PCDHGB4: variants seen among roughly 807,000 people sequenced by gnomAD.
The protein encoded by PCDHGB4 is protocadherin gamma-B4.
Under a neutral mutation model 60.5 loss-of-function variants are expected in PCDHGB4, and 38 were observed. The observed-to-expected ratio is 0.63, with a 90% CI of 0.48 to 0.82. PCDHGB4 has a LOEUF of 0.82. PCDHGB4 is among the 40% of genes least tolerant of loss of function. PCDHGB4 has a pLI of 0.00. For synonymous variants in PCDHGB4, 456 were observed against 509.7 expected (o/e 0.89, Z 1.42); for missense variants, 1,109 against 1,209.6 (o/e 0.92, Z 1.23).
Position 141,485,337 on chromosome 5 carries a change from A to G in PCDHGB4, c.2398-9470A>G, listed in dbSNP as rs147409155. On this transcript the variant is annotated intron_variant, in intron 1 of 3. Transcript: ENST00000519479. The surrounding 1 kb of genome is among the most constrained non-coding windows in gnomAD (Gnocchi z 5.7). ...AATGTCGCTCAAGATTTCCTGCTGG[A>G]TACGGACAGTCTGTCAGCTCGCAGG... 4.3e-5 allele frequency: 70 copies of G among 1,614,012 alleles called. No individual in the cohort carries two copies. Among genetic ancestry groups the G allele is most frequent in the Non-Finnish European group, 5.7e-5 (67 of 1,180,016 alleles).
chr5:141,404,133 T>C, intron 1 of PCDHGB4: 1 of 1,613,108 alleles, frequency 6.2e-7, no homozygotes, highest in Non-Finnish European at 8.5e-7. Flanking sequence ...TCTTTTACAT[T>C]AGAAAATTCA....
At chr5:141,435,994 G>T (rs1007093302) in intron 1 of PCDHGB4, among the ~76,000 whole-genome samples, 18 of 152,046 alleles carry the variant, frequency 1.2e-4, no homozygotes, top group Admixed American at 1.2e-3. Context: ...GTGATTTTTT[G>T]AAAGAAAGTA....
chr5:141,395,055 G>T, intron 1 of PCDHGB4: 1 of 1,614,178 alleles, frequency 6.2e-7, no homozygotes, highest in African/African-American at 1.3e-5. Context: ...GGAGGTACAG[G>T]CTTTCCTGCA....
intron 1 of PCDHGB4, among the ~76,000 whole-genome samples, chr5:141,397,283 A>G: frequency 6.6e-6 from 1 of 152,232 alleles, no homozygotes; most frequent in East Asian, 1.9e-4. Context: ...TGGGCAGTAT[A>G]CTTGAATGAA....
At position 141,490,076 on chromosome 5, in the gene PCDHGB4, A is replaced by G. The variant is rs1025569516; in HGVS notation, c.2398-4731A>G. 2.5e-6 allele frequency: 4 copies of G among 1,614,240 alleles called. No homozygotes were observed. The highest frequency in any genetic ancestry group is 1.3e-5 in the African/African-American group (1 of 75,070). Reference sequence around the variant, plus strand: ...GAGGGCACCAACGGCCAACTAGACTATTCTTTTGGAGACCACACATCTGAG... The same window carrying G: ...GAGGGCACCAACGGCCAACTAGACTGTTCTTTTGGAGACCACACATCTGAG... On this transcript the variant is annotated intron_variant, in intron 1 of 3. Coordinates refer to ENST00000519479, the MANE Select transcript of PCDHGB4 (RefSeq NM_003736.4). The surrounding 1 kb of genome is among the most constrained non-coding windows in gnomAD (Gnocchi z 5.4).
At chr5:141,415,884 A>C in intron 1 of PCDHGB4, 1 of 981,534 alleles carries the variant, frequency 1.0e-6, no homozygotes, top group Non-Finnish European at 1.4e-6. Context: ...TACAATATTG[A>C]CAATTCCTAA....
chr5:141,429,729 A>G (rs1362403236), intron 1 of PCDHGB4, among the ~76,000 whole-genome samples: 1 of 152,240 alleles, frequency 6.6e-6, no homozygotes, highest in African/African-American at 2.4e-5. Flanking sequence ...GAAAGTACGT[A>G]GCCAGTTATT....
rs2154576188 is a variant in PCDHGB4 at position 141,477,933 on chromosome 5, T to C, written c.2398-16874T>C. ...GCGGATGCAGGGCACAATGCCTGGCTCTCCTACAGTCTCTTGGGATCCCCT... is the reference window on the plus strand; with the variant it reads ...GCGGATGCAGGGCACAATGCCTGGCCCTCCTACAGTCTCTTGGGATCCCCT... On this transcript the variant is annotated intron_variant, in intron 1 of 3. Coordinates refer to ENST00000519479, the MANE Select transcript of PCDHGB4 (RefSeq NM_003736.4). The surrounding 1 kb of genome is among the most constrained non-coding windows in gnomAD (Gnocchi z 4.9). 1.2e-6 allele frequency: 2 copies of C among 1,614,112 alleles called. No homozygotes were observed. Among genetic ancestry groups the C allele is most frequent in the Non-Finnish European group, 1.7e-6 (2 of 1,180,022 alleles).
At position 141,485,968 on chromosome 5, in the gene PCDHGB4, T is replaced by C; in HGVS notation, c.2398-8839T>C. On this transcript the variant is annotated intron_variant, in intron 1 of 3. Coordinates refer to ENST00000519479, the MANE Select transcript of PCDHGB4 (RefSeq NM_003736.4). The surrounding 1 kb of genome is among the most constrained non-coding windows in gnomAD (Gnocchi z 5.7). The stretch of plus-strand genomic sequence containing the variant: ...CGGGCATGGTGCTCATCCAGCTCAA[T>C]GCCTCAGACCCGGACCTGGGTCCCA... 6.2e-7 allele frequency: 1 copy of C among 1,614,216 alleles called. No homozygotes were observed. The highest frequency in any genetic ancestry group is 1.1e-5 in the South Asian group (1 of 91,088).
rs4042104 is a variant in PCDHGB4 at position 141,489,091 on chromosome 5, T to TAAG, written c.2398-5713_2398-5711dup. On this transcript the variant is annotated intron_variant, in intron 1 of 3. Transcript: ENST00000519479. This position sits in a 1 kb window ranked among gnomAD's most constrained non-coding sequence, Gnocchi z 4.5. Reference sequence around the variant, plus strand: ...CTGCCCACCCCCGCCACTCGGTGACTAAGAACTGCTGCAAGCAGGCAAACC... The same window carrying TAAG: ...CTGCCCACCCCCGCCACTCGGTGACTAAGAAGAACTGCTGCAAGCAGGCAAACC... 136,009 of 332,164 alleles carry TAAG rather than the reference T, an allele frequency of 0.41. 28,517 individuals are homozygous for TAAG. The highest frequency in any genetic ancestry group is 0.54 in the Admixed American group (11,651 of 21,676). The allele number at this position is 332,164 out of a possible 1,614,324, so 20.6% of individuals were successfully genotyped here.
intron 1 of PCDHGB4, among the ~76,000 whole-genome samples, 184 bp from the exon 2 acceptor site, chr5:141,494,623 C>A (rs2099755716): frequency 6.6e-6 from 1 of 152,146 alleles, no homozygotes; most frequent in Non-Finnish European, 1.5e-5. Flanking sequence ...GTTTCTGGTA[C>A]CTCAGACCTC....
At chr5:141,405,757 C>T (rs754575292) in intron 1 of PCDHGB4, among the ~76,000 whole-genome samples, 13 of 152,264 alleles carry the variant, frequency 8.5e-5, no homozygotes, top group East Asian at 3.9e-4. Context: ...GGATTACAGG[C>T]GTGAGCCACT....
intron 1 of PCDHGB4, chr5:141,396,761 A>G (rs2093430785): frequency 6.6e-6 from 1 of 152,352 alleles, no homozygotes; most frequent in African/African-American, 2.4e-5. Context: ...GACCCAATAA[A>G]TGTTTGTTAT....
intron 1 of PCDHGB4, among the ~76,000 whole-genome samples, chr5:141,467,743 C>T (rs1166073224): frequency 8.5e-5 from 13 of 152,052 alleles, no homozygotes; most frequent in Non-Finnish European, 1.8e-4. Flanking sequence ...CTCGCTGCAA[C>T]CTCCGCCTCA....
rs562011010 is a variant in PCDHGB4, at chr5:141,427,600, G to A, written c.2397+37319G>A. On this transcript the variant is annotated intron_variant, in intron 1 of 3. Coordinates refer to ENST00000519479, the MANE Select transcript of PCDHGB4 (RefSeq NM_003736.4). ...TCATCCAGCACAAGCCTCACCCTAC[G>A]CATTGGTGAAGTCAACGACAATGCT... The A allele has an allele frequency of 6.7e-5, 46 of 683,296 alleles. 1 individual carries two copies. The East Asian group carries it at 1.2e-3, about 18-fold the overall frequency. 42.3% of individuals were successfully genotyped at this position (683,296 alleles called of 1,614,324 possible). A position where few individuals can be genotyped will look rare whatever the true frequency, so the allele number is the denominator to read the frequency against.
At chr5:141,428,169 G>T (rs758370904) in intron 1 of PCDHGB4, 5 of 1,539,960 alleles carry the variant, frequency 3.2e-6, no homozygotes, top group South Asian at 2.2e-5. Context: ...GTTGCTGTGC[G>T]TGACGGAGGA....
At chr5:141,470,872 TTTTTTGTTTTTG>T (rs900302332) in intron 1 of PCDHGB4, among the ~76,000 whole-genome samples, 1 of 151,814 alleles carries the variant, frequency 6.6e-6, no homozygotes, top group Non-Finnish European at 1.5e-5. Context: ...GTTTGTTTGT[TTTTTTGTTTTTG>T]TTTTTGTTTT....
rs539905795 is a variant in PCDHGB4, at chr5:141,419,910, C to T, written c.2397+29629C>T. 1.5e-5 allele frequency: 25 copies of T among 1,614,086 alleles called. No individual in the cohort carries two copies. In the South Asian group the frequency reaches 2.4e-4, roughly 16 times the overall value. On this transcript the variant is annotated intron_variant, in intron 1 of 3. Coordinates refer to ENST00000519479, the MANE Select transcript of PCDHGB4 (RefSeq NM_003736.4). ...AGCGACCATCCCACACCCTCTGACT[C>T]CCAGGCTGAGATGCAGTTTTACCTG...
chr5:141,494,935 G>A, intron 2 of PCDHGB4, 70 bp downstream of exon 2: 1 of 1,612,482 alleles, frequency 6.2e-7, no homozygotes, highest in Non-Finnish European at 8.5e-7. Flanking sequence ...GGGAGGAGAT[G>A]GGGGAGGGCC....
Sources: allele counts gnomAD v4.1 joint callset (sites outside exome capture counted in the v4.1 genomes callset), GRCh38; gene constraint gnomAD v4.1.1; non-coding constraint Gnocchi (gnomAD v3.1); transcripts MANE v1.5; gene names NCBI Gene and HGNC (gene_info 2026-07-23, HGNC 2026-07-21).